The following SLC2A2 variants were observed in gnomAD, a reference collection of about 807,000 sequenced individuals.
SLC2A2 encodes the protein solute carrier family 2, facilitated glucose transporter member 2.
SLC2A2 carries 36 observed loss-of-function variants against 54.5 expected under a neutral mutation model. That is an observed-to-expected ratio of 0.66 (90% CI 0.51 to 0.87). The LOEUF (loss-of-function observed/expected upper bound fraction) is 0.87. SLC2A2 is among the 40% of genes least tolerant of loss of function. The probability of loss-of-function intolerance (pLI) is 0.00; values close to 1 mark genes in which losing one functional copy is unlikely to be tolerated. For synonymous variants in SLC2A2, 223 were observed against 219.1 expected, an observed-to-expected ratio of 1.02 and a Z score of -0.16; for missense variants, 543 against 624.3, an observed-to-expected ratio of 0.87 and a Z score of 1.39.
At chr3:171,005,222 C>T in intron 7 of SLC2A2, 63 bp downstream of exon 7, 1 of 1,361,616 alleles carries the variant, frequency 7.3e-7, no homozygotes, top group Non-Finnish European at 1.1e-6. Flanking sequence ...AAACTTGTAC[C>T]CCTTGCCTTC....
At chr3:171,016,749 TG>T (rs1426572799) in intron 2 of SLC2A2, among the ~76,000 whole-genome samples, 1 of 152,078 alleles carries the variant, frequency 6.6e-6, no homozygotes, top group African/African-American at 2.4e-5. Context: ...GACGCCAGTA[TG>T]GGGATCGCTG....
At chr3:171,024,187 A>T (rs569237485) in intron 1 of SLC2A2, among the ~76,000 whole-genome samples, 1 of 152,300 alleles carries the variant, frequency 6.6e-6, no homozygotes, top group East Asian at 1.9e-4. Context: ...AAGATAAATA[A>T]TGTGGTCTTC....
chr3:171,005,309 A>G lies in SLC2A2; in HGVS notation c.939T>C (p.Ala313=). The change falls in exon 7 of 11, where the codon GCT becomes GCC. Residue 313 remains alanine (A), a synonymous_variant. Transcript: ENST00000314251. ...CGCCATTGATTCCGGAAAATTGCTG[A>G]GCCACATGCAGCATCAGTGCCACTA... ...PILVALMLHV[A]QQFSGINGIF... 1.2e-6 allele frequency: 2 copies of G among 1,612,952 alleles called. No homozygotes were observed. Among genetic ancestry groups the G allele is most frequent in the Non-Finnish European group, 1.7e-6 (2 of 1,179,252 alleles).
chr3:170,999,543 T>C (rs908241986), intron 8 of SLC2A2, among the ~76,000 whole-genome samples: 2 of 152,118 alleles, frequency 1.3e-5, no homozygotes, highest in African/African-American at 4.8e-5. Context: ...ATTTGAAGGT[T>C]CCACATTTAA....
chr3:171,009,921 G>GTT (rs1560037321), intron 4 of SLC2A2, 37 bp downstream of exon 4: 5 of 1,512,550 alleles, frequency 3.3e-6, no homozygotes, highest in Non-Finnish European at 4.5e-6. Context: ...AGGTGTGTGT[G>GTT]TGTGTGTGTG....
rs745373269 is a variant in SLC2A2, at chr3:171,005,967, C to T, written c.751G>A (p.Asp251Asn). 4 of 1,612,464 alleles carry T rather than the reference C, an allele frequency of 2.5e-6. No homozygotes were observed. Among genetic ancestry groups the T allele is most frequent in the Non-Finnish European group, 2.5e-6 (3 of 1,178,938 alleles). The change falls in exon 6 of 11, where the codon GAT becomes AAT. Residue 251 changes from aspartate to asparagine, a missense_variant. This residue lies in a region of SLC2A2 where 318 missense variants were observed against 343.8 expected (regional missense o/e 0.93). Transcript: ENST00000314251. ...ESPRYLYIKLDEEVKAKQSLK... is the reference protein window; with the variant it reads ...ESPRYLYIKLNEEVKAKQSLK... ...CTTTGTTTTGCTTTGACTTCCTCAT[C>T]TAACTTGATGTAAAGGTATCTGGGG...
At chr3:170,998,482 G>T in intron 9 of SLC2A2, 86 bp from the exon 10 acceptor site, 1 of 989,930 alleles carries the variant, frequency 1.0e-6, no homozygotes. Context: ...GTTCACAGGC[G>T]GCATACAACT....
chr3:171,016,162 G>T (rs760969381), intron 2 of SLC2A2, among the ~76,000 whole-genome samples: 1 of 152,196 alleles, frequency 6.6e-6, no homozygotes, highest in South Asian at 2.1e-4. Flanking sequence ...CAGACTGGGT[G>T]CCGTAGCTCA....
chr3:171,014,242 A>C (rs775854117), intron 3 of SLC2A2, among the ~76,000 whole-genome samples: 3 of 152,226 alleles, frequency 2.0e-5, no homozygotes, highest in Non-Finnish European at 2.9e-5. Flanking sequence ...ATCTAGAAAT[A>C]CACACAAAAC....
chr3:170,996,372 T>C lies in SLC2A2; in HGVS notation c.*1531A>G, dbSNP rs958370410. 6 of 372,806 alleles carry C rather than the reference T, an allele frequency of 1.6e-5. No individual in the cohort carries two copies. In the South Asian group the frequency reaches 7.4e-4, roughly 46 times the overall value. The allele number at this position is 372,806 out of a possible 1,614,324, so 23.1% of individuals were successfully genotyped here. A position where few individuals can be genotyped will look rare whatever the true frequency, so the allele number is the denominator to read the frequency against. ...TGAAAAGAAACAATTTCTTGTTCTT[T>C]GGACTGCTAAATTACATATATGTGA... On this transcript the variant is annotated 3_prime_UTR_variant, in exon 11 of 11. Coordinates refer to ENST00000314251, the MANE Select transcript of SLC2A2 (RefSeq NM_000340.2).
Position 171,005,283 on chromosome 3 carries a change from AC to A in SLC2A2, c.963+1del, listed in dbSNP as rs1240053337. On this transcript the variant is annotated splice_donor_variant, in intron 7 of 10. Transcript: ENST00000314251. LOFTEE classifies it high-confidence loss of function. The stretch of plus-strand genomic sequence containing the variant: ...AGAGTTAGTGGGTGTTCTTAAACTT[AC>A]GCCATTGATTCCGGAAAATTGCTGA... The A allele has an allele frequency of 1.9e-6, 3 of 1,612,240 alleles. No individual in the cohort carries two copies. Among genetic ancestry groups the A allele is most frequent in the Non-Finnish European group, 2.5e-6 (3 of 1,178,754 alleles).
intron 1 of SLC2A2, among the ~76,000 whole-genome samples, chr3:171,026,302 T>C (rs575812951): frequency 1.3e-5 from 2 of 151,820 alleles, no homozygotes; most frequent in South Asian, 4.2e-4. Context: ...CTTTTGTCTC[T>C]CCTGCATTGA....
intron 3 of SLC2A2, among the ~76,000 whole-genome samples, chr3:171,012,713 C>A (rs1169797636): frequency 6.6e-6 from 1 of 151,996 alleles, no homozygotes; most frequent in Non-Finnish European, 1.5e-5. Context: ...CTCAATGAAT[C>A]TCTCTAGAAA....
intron 5 of SLC2A2, 56 bp from the exon 6 acceptor site, chr3:171,006,161 A>G (rs1715596573): frequency 6.6e-7 from 1 of 1,524,156 alleles, no homozygotes. Context: ...TCTACCTTTT[A>G]CACTAGTTTG....
intron 8 of SLC2A2, among the ~76,000 whole-genome samples, chr3:171,002,212 A>C (rs1048218786): frequency 1.3e-5 from 2 of 152,026 alleles, no homozygotes; most frequent in Non-Finnish European, 2.9e-5. Flanking sequence ...ACCATCCAAT[A>C]TCAATAGAAA....
At chr3:171,010,638 A>G (rs1370686287) in intron 3 of SLC2A2, among the ~76,000 whole-genome samples, 1 of 152,128 alleles carries the variant, frequency 6.6e-6, no homozygotes, top group Non-Finnish European at 1.5e-5. Flanking sequence ...CTAGATAGGA[A>G]AGGAACTTTC....
chr3:171,006,481 C>T (rs1398113116), intron 5 of SLC2A2, among the ~76,000 whole-genome samples: 3 of 152,036 alleles, frequency 2.0e-5, no homozygotes, highest in African/African-American at 7.2e-5. Flanking sequence ...TAGAATAATA[C>T]TGTGTTAAAA....
chr3:171,019,067 GTGTGTGTGTATATATATA>G (rs1284611441), intron 1 of SLC2A2, among the ~76,000 whole-genome samples: 1 of 126,764 alleles, frequency 7.9e-6, no homozygotes, highest in African/African-American at 3.7e-5. Flanking sequence ...ATGTGTGTGT[GTGTGTGTGTATATATATA>G]TGTGTGTGTG....
chr3:171,024,451 CTT>C, intron 1 of SLC2A2, among the ~76,000 whole-genome samples: 1 of 152,174 alleles, frequency 6.6e-6, no homozygotes, highest in Non-Finnish European at 1.5e-5. Context: ...AGCTGATGGT[CTT>C]AAACGCCACT....
Sources: allele counts gnomAD v4.1 joint callset (sites outside exome capture counted in the v4.1 genomes callset), GRCh38; gene constraint gnomAD v4.1.1; regional missense constraint gnomAD v4.1.1; transcripts MANE v1.5; gene names NCBI Gene and HGNC (gene_info 2026-07-23, HGNC 2026-07-21).